The following MIOX variants were observed in gnomAD, a reference collection of about 807,000 sequenced individuals.
MIOX encodes the protein inositol oxygenase.
MIOX carries 51 observed loss-of-function variants against 42.7 expected under a neutral mutation model. That is an observed-to-expected ratio of 1.19 (90% confidence interval 0.95 to 1.51). The LOEUF is 1.51. MIOX is among the 40% of genes most tolerant of loss of function. MIOX has a pLI of 0.00. For missense variants in MIOX, 395 were observed against 381.3 expected (o/e 1.04, Z -0.30); for synonymous variants, 168 against 154.4 (o/e 1.09, Z -0.65).
chr22:50,489,660 C>T lies in MIOX; in HGVS notation c.749+16C>T, dbSNP rs376195154. 371 of 1,519,316 alleles carry T rather than the reference C, an allele frequency of 2.4e-4. 1 individual carries two copies. Among genetic ancestry groups the T allele is most frequent in the African/African-American group, 1.2e-3 (83 of 70,402 alleles). 94.1% of individuals were successfully genotyped at this position (1,519,316 alleles called of 1,614,324 possible). A position where few individuals can be genotyped will look rare whatever the true frequency, so the allele number is the denominator to read the frequency against. ...GGGAGTTCAAGTACGCCCCGCTACC[C>T]GCCGAGGGGTGTTGTGGGAGTGAAA... is the stretch of plus-strand genomic sequence containing the variant. On this transcript the variant is annotated intron_variant, in intron 9 of 9. Coordinates refer to ENST00000216075, the MANE Select transcript of MIOX (RefSeq NM_017584.6).
Position 50,489,963 on chromosome 22 carries a change from G to A in MIOX, c.*107G>A. 9.4e-7 allele frequency: 1 copy of A among 1,063,466 alleles called. No individual in the cohort carries two copies. The allele number at this position is 1,063,466 out of a possible 1,614,324, so 65.9% of individuals were successfully genotyped here. On this transcript the variant is annotated 3_prime_UTR_variant, in exon 10 of 10. Transcript: ENST00000216075. ...GCCATCAGGGTTCACCTCGGTGGGG[G>A]ACCCCACTCACCCCCTTAGGGTCGC...
At position 50,489,826 on chromosome 22, in the gene MIOX, C is replaced by T. The variant is rs776129750; in HGVS notation, c.828C>T (p.Asp276=). Reference sequence around the variant, plus strand: ...GGCCCTACTACCAGGGGCTCATTGACAAGTACTGCCCTGGCATCCTGAGCT... The same window carrying T: ...GGCCCTACTACCAGGGGCTCATTGATAAGTACTGCCCTGGCATCCTGAGCT... ...KLRPYYQGLI[D]KYCPGILSW The change falls in exon 10 of 10, where the codon GAC becomes GAT. Residue 276 remains aspartate, a synonymous_variant. Transcript: ENST00000216075. 1.2e-6 allele frequency: 2 copies of T among 1,611,246 alleles called. No individual in the cohort carries two copies. Among genetic ancestry groups the T allele is most frequent in the Admixed American group, 3.3e-5 (2 of 60,014 alleles).
At position 50,489,383 on chromosome 22, in the gene MIOX, C is replaced by A. The variant is rs772393195; in HGVS notation, c.587-14C>A. 1 of 1,570,804 alleles carries A rather than the reference C, an allele frequency of 6.4e-7. No homozygotes were observed. Among genetic ancestry groups the A allele is most frequent in the South Asian group, 1.1e-5 (1 of 87,434 alleles). On this transcript the variant is annotated splice_polypyrimidine_tract_variant and intron_variant, in intron 7 of 9. Coordinates refer to ENST00000216075, the MANE Select transcript of MIOX (RefSeq NM_017584.6). ...GCAGAGGCAGTGCCTGCTGGTGACA[C>A]CCTCTCCCCACAGAGTACATGTACC...
rs537537927 is a variant in MIOX, at chr22:50,486,959, T to C, written c.15+47T>C. On this transcript the variant is annotated intron_variant, in intron 1 of 9. Coordinates refer to ENST00000216075, the MANE Select transcript of MIOX (RefSeq NM_017584.6). ...AGAGAGGCTCTGCTGACTGCTCTCC[T>C]GGTGGCCAGCCACTCCCGCCCTCTT... is the stretch of plus-strand genomic sequence containing the variant. 17 of 1,609,914 alleles carry C rather than the reference T, an allele frequency of 1.1e-5. No homozygotes were observed. The South Asian group carries it at 1.6e-4, about 16-fold the overall frequency.
In MIOX at chr22:50,487,911, A is replaced by G. The variant is rs764355422; in HGVS notation, c.203A>G (p.Tyr68Cys). ...SKHAQFGGFS[Y>C]KKMTVMEAVD... ...CATGCCCAGTTTGGGGGCTTCTCCTACAAGAAAATGACAGTCATGGAGGCC... is the reference window on the plus strand; with the variant it reads ...CATGCCCAGTTTGGGGGCTTCTCCTGCAAGAAAATGACAGTCATGGAGGCC... The change falls in exon 4 of 10, where the codon TAC becomes TGC. Residue 68 changes from tyrosine (Y) to cysteine (C), a missense_variant. Transcript: ENST00000216075. 7.4e-6 allele frequency: 12 copies of G among 1,613,786 alleles called. No individual in the cohort carries two copies. The highest frequency in any genetic ancestry group is 1.1e-5 in the South Asian group (1 of 91,096).
chr22:50,487,579 C>G (rs1333705581), intron 2 of MIOX, 83 bp from the exon 3 acceptor site: 1 of 1,547,414 alleles, frequency 6.5e-7, no homozygotes, highest in Admixed American at 1.7e-5. Context: ...CCCCATCACA[C>G]CCTGTGGGGC....
At chr22:50,487,049 C>T (rs930080642) in intron 1 of MIOX, 137 bp downstream of exon 1, 1 of 1,158,760 alleles carries the variant, frequency 8.6e-7, no homozygotes, top group Non-Finnish European at 1.3e-6. Context: ...CTGCCGACCC[C>T]CAGGCTCCCT....
chr22:50,488,338 C>T lies in MIOX; in HGVS notation c.404C>T (p.Pro135Leu). The T allele has an allele frequency of 1.2e-6, 2 of 1,600,288 alleles. No homozygotes were observed. Among genetic ancestry groups the T allele is most frequent in the East Asian group, 4.5e-5 (2 of 44,690 alleles). The part of the protein sequence containing the change: ...LGKVLALFGE[P>L]QWAVVGDTFP... ...AAGGTCCTGGCCCTGTTCGGGGAGCCCCAGGTAAGAGTTGGAAGTGGAGGG... is the reference window on the plus strand; with the variant it reads ...AAGGTCCTGGCCCTGTTCGGGGAGCTCCAGGTAAGAGTTGGAAGTGGAGGG... The change falls in exon 5 of 10, where the codon CCC (proline) becomes CTC (leucine). Residue 135 changes from proline (P) to leucine (L), a missense_variant. Coordinates refer to ENST00000216075, the MANE Select transcript of MIOX (RefSeq NM_017584.6).
Position 50,489,742 on chromosome 22 carries a change from C to A in MIOX, c.750-6C>A. On this transcript the variant is annotated splice_polypyrimidine_tract_variant and splice_region_variant and intron_variant, in intron 9 of 9. Coordinates refer to ENST00000216075, the MANE Select transcript of MIOX (RefSeq NM_017584.6). Reference sequence around the variant, plus strand: ...TCACGGGGCTCACCGCCCCTCCCTGCTGCAGCAAGTTCGACCTCTACACCA... The same window carrying A: ...TCACGGGGCTCACCGCCCCTCCCTGATGCAGCAAGTTCGACCTCTACACCA... The A allele has an allele frequency of 6.2e-7, 1 of 1,611,694 alleles. No homozygotes were observed. Among genetic ancestry groups the A allele is most frequent in the Non-Finnish European group, 8.5e-7 (1 of 1,179,804 alleles).
Position 50,489,465 on chromosome 22 carries a change from A to G in MIOX, c.636+19A>G. 6.2e-7 allele frequency: 1 copy of G among 1,608,900 alleles called. No homozygotes were observed. The highest frequency in any genetic ancestry group is 1.1e-5 in the South Asian group (1 of 90,784). ...CCCTGAGGTAGGTGGGGGGAGGGGC[A>G]ACGCAGCCCGTCCACCAGGCCCGGT... On this transcript the variant is annotated intron_variant, in intron 8 of 9. Coordinates refer to ENST00000216075, the MANE Select transcript of MIOX (RefSeq NM_017584.6).
intron 4 of MIOX, 89 bp from the exon 5 acceptor site, chr22:50,488,186 A>G: frequency 6.3e-7 from 1 of 1,593,674 alleles, no homozygotes; most frequent in Non-Finnish European, 8.6e-7. Context: ...CAGGCCCTGG[A>G]CCCTTCCTGG....
At chr22:50,488,850 C>A (rs142281234) in intron 5 of MIOX, among the ~76,000 whole-genome samples, 190 bp from the exon 6 acceptor site, 1 of 78,698 alleles carries the variant, frequency 1.3e-5, no homozygotes, top group Non-Finnish European at 3.0e-5. Flanking sequence ...CAGTCATCGG[C>A]AACATCTTCC....
chr22:50,489,274 C>G lies in MIOX; in HGVS notation c.565C>G (p.Leu189Val). 1 of 1,596,446 alleles carries G rather than the reference C, an allele frequency of 6.3e-7. No homozygotes were observed. The highest frequency in any genetic ancestry group is 1.4e-5 in the African/African-American group (1 of 74,002). ...YQPHCGLDRV[L>V]MSWGHDEYMY... is the part of the protein sequence containing the mutation. ...GCCCCACTGTGGGCTCGACAGGGTC[C>G]TCATGTCCTGGGGCCATGATGGTGA... The change falls in exon 7 of 10, where the codon CTC becomes GTC. Residue 189 changes from leucine (L) to valine (V), a missense_variant. By Grantham distance (32) the Leu-to-Val change is conservative. Transcript: ENST00000216075.
In MIOX at chr22:50,487,652, C is replaced by T. The variant is rs374038729; in HGVS notation, c.97-10C>T. On this transcript the variant is annotated splice_polypyrimidine_tract_variant and intron_variant, in intron 2 of 9. Transcript: ENST00000216075. ...GGTGGGGGTGGCGCCACTGACCCTC[C>T]GGCCTGCAGTCAGGTCCCCTCCTGG... 1.6e-4 allele frequency: 255 copies of T among 1,611,100 alleles called. No homozygotes were observed. The highest frequency in any genetic ancestry group is 4.3e-4 in the Admixed American group (26 of 59,776).
At chr22:50,487,011 C>A in intron 1 of MIOX, 99 bp downstream of exon 1, 1 of 1,491,388 alleles carries the variant, frequency 6.7e-7, no homozygotes. Flanking sequence ...AGCCCTCCTC[C>A]TCCGTCCAGC....
At position 50,489,929 on chromosome 22, in the gene MIOX, C is replaced by A; in HGVS notation, c.*73C>A. The A allele has an allele frequency of 7.0e-7, 1 of 1,423,560 alleles. No individual in the cohort carries two copies. Among genetic ancestry groups the A allele is most frequent in the Non-Finnish European group, 9.8e-7 (1 of 1,022,334 alleles). 88.2% of individuals were successfully genotyped at this position (1,423,560 alleles called of 1,614,324 possible). On this transcript the variant is annotated 3_prime_UTR_variant, in exon 10 of 10. Transcript: ENST00000216075. The stretch of plus-strand genomic sequence containing the variant: ...CTGCCTGGAGAGGCCTGGCCCTGGG[C>A]AAACAGCCGCCATCAGGGTTCACCT...
intron 4 of MIOX, 22 bp downstream of exon 4, chr22:50,488,070 G>A (rs778646428): frequency 2.1e-5 from 34 of 1,612,042 alleles, no homozygotes; most frequent in Non-Finnish European, 2.6e-5. Context: ...CTGTGCTGCA[G>A]GGGGGCAGGT....
intron 5 of MIOX, among the ~76,000 whole-genome samples, 185 bp from the exon 6 acceptor site, chr22:50,488,855 T>C (rs112627083): frequency 0.01 from 277 of 27,020 alleles, 8 homozygotes; most frequent in South Asian, 0.05. Flanking sequence ...ATCGGCAACA[T>C]CTTCCCCCAC....
At position 50,489,419 on chromosome 22, in the gene MIOX, G is replaced by T; in HGVS notation, c.609G>T (p.Lys203Asn). 1 of 1,601,364 alleles carries T rather than the reference G, an allele frequency of 6.2e-7. No individual in the cohort carries two copies. ...GHDEYMYQVM[K>N]FNKFSLPPEA... ...CAGAGTACATGTACCAGGTGATGAA[G>T]TTTAACAAGTTCTCACTGCCCCCTG... Residue 203 changes from lysine (K) to asparagine (N), a missense_variant, in exon 8 of 10, where the codon AAG becomes AAT. Physicochemically the swap from Lys to Asn is moderately conservative, Grantham distance 94. Transcript: ENST00000216075.
Sources: gnomAD v4.1 joint callset for allele counts (sites outside exome capture counted in the v4.1 genomes callset) on GRCh38, gnomAD v4.1.1 for gene constraint, MANE v1.5 for transcripts, NCBI Gene and HGNC (gene_info 2026-07-23, HGNC 2026-07-21) for gene names.